ATP8B2: variants seen among roughly 807,000 people sequenced by gnomAD.
ATP8B2 encodes ATPase phospholipid transporting 8B2.
A neutral mutation model predicts 133.4 loss-of-function variants in ATP8B2; 70 were observed. That is an observed-to-expected ratio of 0.52 (90% CI 0.43 to 0.64). The LOEUF (loss-of-function observed/expected upper bound fraction) is 0.64. Among genes scored for constraint, ATP8B2 ranks in the 30% least tolerant of loss-of-function variants. ATP8B2 has a pLI of 0.00. For missense variants in ATP8B2, 1,101 were observed against 1,535.7 expected, an observed-to-expected ratio of 0.72 and a Z score of 4.73; for synonymous variants, 517 against 589.5, an observed-to-expected ratio of 0.88 and a Z score of 1.78.
chr1:154,338,859 G>T (rs956226085), intron 12 of ATP8B2: 5 of 152,210 alleles, frequency 3.3e-5, no homozygotes, highest in Non-Finnish European at 7.3e-5. Context: ...GCTTTAGGAA[G>T]TATTGACTGG....
rs2297606 is a variant in ATP8B2, at chr1:154,348,608, G to C, written c.3294+70G>C. On this transcript the variant is annotated intron_variant, in intron 27 of 27. Transcript: ENST00000368489. ...CTGGAAAGGCCTCATGTGAACACTGGGGGGCTCTGTGGGGCCATGTGGCTG... is the reference window on the plus strand; with the variant it reads ...CTGGAAAGGCCTCATGTGAACACTGCGGGGCTCTGTGGGGCCATGTGGCTG... 1.3e-5 allele frequency: 21 copies of C among 1,579,926 alleles called. No individual in the cohort carries two copies. In the East Asian group the frequency reaches 4.3e-4, roughly 32 times the overall value.
Position 154,328,982 on chromosome 1 carries a change from G to A in ATP8B2, c.31+810G>A, listed in dbSNP as rs1410053691. The A allele has an allele frequency of 1.5e-6, 2 of 1,304,062 alleles. No individual in the cohort carries two copies. Among genetic ancestry groups the A allele is most frequent in the Admixed American group, 2.3e-5 (1 of 43,560 alleles). 80.8% of individuals were successfully genotyped at this position (1,304,062 alleles called of 1,614,324 possible). ...CGGTCTGCCCTCCCCCACTCAAACC[G>A]GGATCATGACGGTCCCCAAGGAGAT... On this transcript the variant is annotated intron_variant, in intron 2 of 27. Coordinates refer to ENST00000368489, the MANE Select transcript of ATP8B2 (RefSeq NM_001370597.1). This position sits in a 1 kb window ranked among gnomAD's most constrained non-coding sequence, Gnocchi z 4.6.
At position 154,331,677 on chromosome 1, in the gene ATP8B2, C is replaced by T. The variant is rs776939812; in HGVS notation, c.437C>T (p.Ala146Val). 33 of 1,613,638 alleles carry T rather than the reference C, an allele frequency of 2.0e-5. No homozygotes were observed. Among genetic ancestry groups the T allele is most frequent in the South Asian group, 4.4e-5 (4 of 91,074 alleles). ...AAGCTAGAAAATAACCAGTTTGTGG[C>T]GGTAAGGGACAGGGTACCCCTCTAG... ...IIKLENNQFVAADLLLLSSSE... is the reference protein window; with the variant it reads ...IIKLENNQFVVADLLLLSSSE... Residue 146 changes from alanine to valine, a missense_variant and splice_region_variant, in exon 7 of 28, where the codon GCG becomes GTG. Physicochemically the swap from Ala to Val is moderately conservative, Grantham distance 64. Transcript: ENST00000368489. This position sits in a 1 kb window ranked among gnomAD's most constrained non-coding sequence, Gnocchi z 4.8.
At position 154,328,878 on chromosome 1, in the gene ATP8B2, T is replaced by TC. The variant is rs1276160035; in HGVS notation, c.31+710dup. 2 of 1,208,476 alleles carry TC rather than the reference T, an allele frequency of 1.7e-6. No homozygotes were observed. Among genetic ancestry groups the TC allele is most frequent in the East Asian group, 1.9e-4 (2 of 10,502 alleles). The allele number at this position is 1,208,476 out of a possible 1,614,324, so 74.9% of individuals were successfully genotyped here. On this transcript the variant is annotated intron_variant, in intron 2 of 27. Coordinates refer to ENST00000368489, the MANE Select transcript of ATP8B2 (RefSeq NM_001370597.1). This position sits in a 1 kb window ranked among gnomAD's most constrained non-coding sequence, Gnocchi z 4.6. ...GGGGCGCGCGCCCGACGGCTGGGGCTCCCCTCTGAGCGGCTGCGGCTCCTG... is the reference window on the plus strand; with the variant it reads ...GGGGCGCGCGCCCGACGGCTGGGGCTCCCCCTCTGAGCGGCTGCGGCTCCTG...
Position 154,330,436 on chromosome 1 carries a change from T to C in ATP8B2, c.72T>C (p.Asn24=), listed in dbSNP as rs1685944148. Residue 24 remains asparagine (N), a synonymous_variant, in exon 3 of 28, where the codon AAT becomes AAC. Coordinates refer to ENST00000368489, the MANE Select transcript of ATP8B2 (RefSeq NM_001370597.1). ...RRARANDREY[N]EKFQYASNCI... The stretch of plus-strand genomic sequence containing the variant: ...CGCGGGCTAATGACCGAGAATACAA[T>C]GAGAAATTCCAGTATGCGGTAAGCG... 6.2e-7 allele frequency: 1 copy of C among 1,609,522 alleles called. No homozygotes were observed. Among genetic ancestry groups the C allele is most frequent in the Non-Finnish European group, 8.5e-7 (1 of 1,176,096 alleles).
chr1:154,339,917 G>A (rs950433870), intron 12 of ATP8B2, among the ~76,000 whole-genome samples: 2 of 152,136 alleles, frequency 1.3e-5, no homozygotes, highest in Admixed American at 6.5e-5. Flanking sequence ...CATGGTGGCT[G>A]TCGCCTGTAA....
In ATP8B2 at chr1:154,344,792, A is replaced by C. The variant is rs768276954; in HGVS notation, c.2286+7A>C. ...CATAAATGGTCACAGCCTGGTAGGC[A>C]TCGCTATCCTTAGCTTGGGCAGTAT... On this transcript the variant is annotated splice_region_variant and intron_variant, in intron 21 of 27. Coordinates refer to ENST00000368489, the MANE Select transcript of ATP8B2 (RefSeq NM_001370597.1). This position sits in a 1 kb window ranked among gnomAD's most constrained non-coding sequence, Gnocchi z 4.1. 41 of 1,591,514 alleles carry C rather than the reference A, an allele frequency of 2.6e-5. No homozygotes were observed. In the Admixed American group the frequency reaches 7.0e-4, roughly 27 times the overall value.
rs1449203192 is a variant in ATP8B2, at chr1:154,343,099, TCCTC to T, written c.1454-11_1454-8del. 1.2e-6 allele frequency: 2 copies of T among 1,608,658 alleles called. No homozygotes were observed. Among genetic ancestry groups the T allele is most frequent in the Admixed American group, 3.4e-5 (2 of 59,202 alleles). ...AAGCCACTTATATCACGTGTATTCT[TCCTC>T]CCCACCCAGGAGAGCTGTACTACAA... is the stretch of plus-strand genomic sequence containing the variant. On this transcript the variant is annotated splice_polypyrimidine_tract_variant and intron_variant, in intron 15 of 27. Transcript: ENST00000368489. The surrounding 1 kb of genome is among the most constrained non-coding windows in gnomAD (Gnocchi z 5.8).
At chr1:154,336,887 C>T (rs1225093990) in intron 11 of ATP8B2, among the ~76,000 whole-genome samples, 2 of 151,176 alleles carry the variant, frequency 1.3e-5, no homozygotes, top group South Asian at 2.1e-4. Context: ...GTCTGCCTCC[C>T]GGGTTCAAGC....
At position 154,328,037 on chromosome 1, in the gene ATP8B2, A is replaced by G; in HGVS notation, c.-37-68A>G. The G allele has an allele frequency of 4.5e-6, 7 of 1,549,964 alleles. No individual in the cohort carries two copies. The highest frequency in any genetic ancestry group is 1.4e-5 in the African/African-American group (1 of 73,538). On this transcript the variant is annotated intron_variant, in intron 1 of 27. Coordinates refer to ENST00000368489, the MANE Select transcript of ATP8B2 (RefSeq NM_001370597.1). This position sits in a 1 kb window ranked among gnomAD's most constrained non-coding sequence, Gnocchi z 4.6. The stretch of plus-strand genomic sequence containing the variant: ...AGCTGGAGAAGAGGGTCTTCAAAAG[A>G]GGTCTCATGAGGGGAGGGAAGGGTT...
chr1:154,330,695 C>A, intron 3 of ATP8B2, 120 bp from the exon 4 acceptor site: 1 of 876,220 alleles, frequency 1.1e-6, no homozygotes, highest in Non-Finnish European at 1.8e-6. Context: ...CCTCCCACAC[C>A]TGTGTTTGCT....
At chr1:154,327,842 CTCT>C (rs1308788126) in intron 1 of ATP8B2, 1 of 1,613,774 alleles carries the variant, frequency 6.2e-7, no homozygotes, top group Non-Finnish European at 8.5e-7. Flanking sequence ...AATATCTGGC[CTCT>C]TCTCCTTTCC....
chr1:154,340,629 G>A lies in ATP8B2; in HGVS notation c.1035-225G>A. 1.5e-5 allele frequency: 9 copies of A among 581,124 alleles called. No individual in the cohort carries two copies. In the South Asian group the frequency reaches 1.9e-4, roughly 12 times the overall value. 36.0% of individuals were successfully genotyped at this position (581,124 alleles called of 1,614,324 possible). A position where few individuals can be genotyped will look rare whatever the true frequency, so the allele number is the denominator to read the frequency against. On this transcript the variant is annotated intron_variant, in intron 12 of 27. Coordinates refer to ENST00000368489, the MANE Select transcript of ATP8B2 (RefSeq NM_001370597.1). The surrounding 1 kb of genome is among the most constrained non-coding windows in gnomAD (Gnocchi z 4.0). ...CCACCCAGGCCCTTTGCACCTTCTTGTCTGGAGAGCATCAGGAGGGTCGGG... is the reference window on the plus strand; with the variant it reads ...CCACCCAGGCCCTTTGCACCTTCTTATCTGGAGAGCATCAGGAGGGTCGGG...
chr1:154,335,212 G>C (rs1686136997), intron 11 of ATP8B2, among the ~76,000 whole-genome samples: 2 of 152,158 alleles, frequency 1.3e-5, no homozygotes, highest in Admixed American at 6.5e-5. Context: ...CAGCCTGGTG[G>C]GCGAGGTTGT....
chr1:154,329,121 C>T, intron 2 of ATP8B2: 1 of 1,219,518 alleles, frequency 8.2e-7, no homozygotes. Flanking sequence ...CCATTATTTC[C>T]CCCCTCCAAT....
rs777643963 is a variant in ATP8B2, at chr1:154,330,380, C to G, written c.32-16C>G. 16 of 1,591,716 alleles carry G rather than the reference C, an allele frequency of 1.0e-5. No individual in the cohort carries two copies. The South Asian group carries it at 1.1e-4, about 11-fold the overall frequency. ...CTCAGTTTGCTCCTCCTGACTGCAG[C>G]ATCATTTTGTTGCAGAAGAAGAAAG... On this transcript the variant is annotated splice_polypyrimidine_tract_variant and intron_variant, in intron 2 of 27. Transcript: ENST00000368489.
Position 154,346,433 on chromosome 1 carries a change from C to T in ATP8B2, c.2981C>T (p.Ala994Val). 6.2e-7 allele frequency: 1 copy of T among 1,614,158 alleles called. No individual in the cohort carries two copies. The highest frequency in any genetic ancestry group is 1.1e-5 in the South Asian group (1 of 91,080). ...GTQLADYQSF[A>V]VTVATSLVIV... ...CAGCTGGCTGACTACCAGTCCTTTG[C>T]AGTCACTGTGGCCACATCCTTGGTC... Residue 994 changes from alanine (A) to valine (V), a missense_variant, in exon 25 of 28, where the codon GCA becomes GTA. Ala to Val is a moderately conservative substitution (Grantham distance 64). Coordinates refer to ENST00000368489, the MANE Select transcript of ATP8B2 (RefSeq NM_001370597.1). The surrounding 1 kb of genome is among the most constrained non-coding windows in gnomAD (Gnocchi z 4.5).
intron 26 of ATP8B2, among the ~76,000 whole-genome samples, chr1:154,347,710 G>A (rs1349315813): frequency 6.6e-6 from 1 of 152,150 alleles, no homozygotes. Flanking sequence ...GGAGGCCGAG[G>A]TAGGCGGATT....
Position 154,328,731 on chromosome 1 carries a change from T to TC in ATP8B2, c.31+561dup. Reference sequence around the variant, plus strand: ...CGGAACCCTGGGCGTGCTCGGCGTGTCCGGGGCCACTCAGCGCACGCTGGC... The same window carrying TC: ...CGGAACCCTGGGCGTGCTCGGCGTGTCCCGGGGCCACTCAGCGCACGCTGGC... On this transcript the variant is annotated intron_variant, in intron 2 of 27. Coordinates refer to ENST00000368489, the MANE Select transcript of ATP8B2 (RefSeq NM_001370597.1). The surrounding 1 kb of genome is among the most constrained non-coding windows in gnomAD (Gnocchi z 4.6). 7.5e-6 allele frequency: 7 copies of TC among 927,860 alleles called. No individual in the cohort carries two copies. The highest frequency in any genetic ancestry group is 9.0e-6 in the Non-Finnish European group (7 of 776,194). The allele number at this position is 927,860 out of a possible 1,614,324, so 57.5% of individuals were successfully genotyped here.
Sources: allele counts gnomAD v4.1 joint callset (sites outside exome capture counted in the v4.1 genomes callset), GRCh38; gene constraint gnomAD v4.1.1; non-coding constraint Gnocchi (gnomAD v3.1); transcripts MANE v1.5; gene names NCBI Gene and HGNC (gene_info 2026-07-23, HGNC 2026-07-21).